Variants in KANSL3 observed in about 807,000 individuals in gnomAD.
KANSL3 encodes the protein KAT8 regulatory NSL complex subunit 3.
KANSL3 carries 16 observed loss-of-function variants against 89.2 expected under a neutral mutation model. The observed-to-expected ratio is 0.18, with a 90% CI of 0.12 to 0.27. The LOEUF (loss-of-function observed/expected upper bound fraction) is 0.27. Ranked by LOEUF, KANSL3 falls within the 10% of genes least tolerant of loss-of-function variation. The pLI is 1.00. For missense variants in KANSL3, 879 were observed against 1,110.6 expected (o/e 0.79, Z 2.96); for synonymous variants, 385 against 419.7 (o/e 0.92, Z 1.01).
At position 96,607,099 on chromosome 2, in the gene KANSL3, A is replaced by G. The variant is rs1001934838; in HGVS notation, c.1741+1409T>C. 8.0e-6 allele frequency: 9 copies of G among 1,130,552 alleles called. No homozygotes were observed. In the African/African-American group the frequency reaches 1.4e-4, roughly 18 times the overall value. The allele number at this position is 1,130,552 out of a possible 1,614,324, so 70.0% of individuals were successfully genotyped here. A position where few individuals can be genotyped will look rare whatever the true frequency, so the allele number is the denominator to read the frequency against. On this transcript the variant is annotated intron_variant, in intron 14 of 20. Transcript: ENST00000431828. Reference sequence around the variant, plus strand: ...AATCACAGCCAGCCAGAGAAGGGAGAAAAAGAGAGGGAATAAGAAAAAAGG... The same window carrying G: ...AATCACAGCCAGCCAGAGAAGGGAGGAAAAGAGAGGGAATAAGAAAAAAGG...
At chr2:96,590,762 T>A (rs189299646), downstream of KANSL3, among the ~76,000 whole-genome samples, 70 of 152,042 alleles carry the variant, frequency 4.6e-4, 1 homozygote, top group African/African-American at 1.7e-3. Flanking sequence ...GGCAGGAGGA[T>A]TGCCTGAGGT....
At chr2:96,602,003 C>T in intron 19 of KANSL3, 113 bp downstream of exon 19, 2 of 1,213,296 alleles carry the variant, frequency 1.6e-6, no homozygotes, top group Non-Finnish European at 2.3e-6. Context: ...AAGGTCAATG[C>T]CAGGACCCTG....
downstream of KANSL3, among the ~76,000 whole-genome samples, chr2:96,591,538 ATAC>A (rs2066275011): frequency 6.6e-6 from 1 of 152,250 alleles, no homozygotes; most frequent in African/African-American, 2.4e-5. Flanking sequence ...GTGTTATACT[ATAC>A]TACAATTGCA....
At chr2:96,631,601 T>TTATA in intron 2 of KANSL3, 119 bp from the exon 3 acceptor site, 2 of 1,207,630 alleles carry the variant, frequency 1.7e-6, no homozygotes. Context: ...CATAAGCACA[T>TTATA]TATATTCACA....
Position 96,593,902 on chromosome 2 carries a change from C to T in KANSL3, c.*1709G>A, listed in dbSNP as rs1332143822. ...ATACCTTCCTCAAGTTTACTAAATA[C>T]TTTCTGAATTTAAGAATTTTGAGAA... On this transcript the variant is annotated 3_prime_UTR_variant, in exon 21 of 21. Coordinates refer to ENST00000431828, the MANE Select transcript of KANSL3 (RefSeq NM_001115016.3). 1 of 152,414 alleles carries T rather than the reference C, an allele frequency of 6.6e-6. No individual in the cohort carries two copies. The highest frequency in any genetic ancestry group is 2.4e-5 in the African/African-American group (1 of 41,448). The allele number at this position is 152,414 out of a possible 1,614,324, so 9.4% of individuals were successfully genotyped here. A position where few individuals can be genotyped will look rare whatever the true frequency, so the allele number is the denominator to read the frequency against.
At chr2:96,604,959 C>T (rs1460333807) in intron 15 of KANSL3, 96 bp from the exon 16 acceptor site, 3 of 975,370 alleles carry the variant, frequency 3.1e-6, no homozygotes, top group South Asian at 1.6e-5. Context: ...ATATTACGGA[C>T]GAAAACTGGA....
chr2:96,605,188 C>T (rs1414689504), intron 15 of KANSL3, 132 bp downstream of exon 15: 4 of 784,300 alleles, frequency 5.1e-6, no homozygotes, highest in African/African-American at 3.5e-5. Context: ...CATGTACAGA[C>T]TCATGTCTTC....
chr2:96,592,702 C>G (rs761557269), downstream of KANSL3, among the ~76,000 whole-genome samples: 5 of 152,160 alleles, frequency 3.3e-5, no homozygotes, highest in Admixed American at 1.3e-4. Context: ...TGTTTCCTCA[C>G]TTATAGAAAG....
chr2:96,612,583 C>A lies in KANSL3; in HGVS notation c.913-20G>T, dbSNP rs761389831. The A allele has an allele frequency of 6.3e-7, 1 of 1,574,986 alleles. No homozygotes were observed. Among genetic ancestry groups the A allele is most frequent in the Non-Finnish European group, 8.7e-7 (1 of 1,145,936 alleles). On this transcript the variant is annotated intron_variant, in intron 7 of 20. Coordinates refer to ENST00000431828, the MANE Select transcript of KANSL3 (RefSeq NM_001115016.3). ...GATGACCTGAAGGAAAGAAGTAGCC[C>A]CCACACCAGCAGAGGTAAGTTTCAA...
At chr2:96,627,865 C>T (rs2072658428) in intron 3 of KANSL3, 1 of 1,268,506 alleles carries the variant, frequency 7.9e-7, no homozygotes, top group Admixed American at 2.3e-5. Context: ...GTATCTGAAA[C>T]TGAAACTAAT....
At chr2:96,630,134 C>T (rs1173589335) in intron 3 of KANSL3, among the ~76,000 whole-genome samples, 2 of 152,120 alleles carry the variant, frequency 1.3e-5, no homozygotes, top group African/African-American at 4.8e-5. Flanking sequence ...AGGTTAAATA[C>T]AGAGTTATCA....
intron 18 of KANSL3, among the ~76,000 whole-genome samples, chr2:96,602,539 T>C (rs2067334290): frequency 6.6e-6 from 1 of 152,254 alleles, no homozygotes; most frequent in Non-Finnish European, 1.5e-5. Flanking sequence ...CCTCATTTTA[T>C]AGACAAAGAA....
At chr2:96,608,814 T>G (rs1352436340) in intron 13 of KANSL3, 50 bp downstream of exon 13, 4 of 1,517,088 alleles carry the variant, frequency 2.6e-6, no homozygotes, top group Non-Finnish European at 1.8e-6. Flanking sequence ...AGGAACCAAC[T>G]CTGTGGTGCT....
the KANSL3 span, among the ~76,000 whole-genome samples, chr2:96,585,883 G>A: frequency 3.3e-5 from 5 of 152,142 alleles, no homozygotes; most frequent in Non-Finnish European, 5.9e-5. Flanking sequence ...AATATTGTAC[G>A]TTCTCACTTA....
chr2:96,623,273 A>AAC (rs1321064915), intron 3 of KANSL3, among the ~76,000 whole-genome samples: 2 of 152,220 alleles, frequency 1.3e-5, no homozygotes, highest in Non-Finnish European at 2.9e-5. Context: ...AGCAAAGAGG[A>AAC]ACACAGGCAC....
chr2:96,617,555 A>AT (rs1218809382), intron 5 of KANSL3, among the ~76,000 whole-genome samples: 2 of 151,302 alleles, frequency 1.3e-5, no homozygotes, highest in Non-Finnish European at 2.9e-5. Context: ...AAGTAAAACT[A>AT]TTAAAAAAAA....
At chr2:96,623,993 T>G (rs952390710) in intron 3 of KANSL3, among the ~76,000 whole-genome samples, 1 of 152,258 alleles carries the variant, frequency 6.6e-6, no homozygotes. Context: ...TGAGGTTTCT[T>G]GGAATTGTCC....
At chr2:96,624,150 G>A (rs558787303) in intron 3 of KANSL3, among the ~76,000 whole-genome samples, 1 of 152,180 alleles carries the variant, frequency 6.6e-6, no homozygotes, top group African/African-American at 2.4e-5. Flanking sequence ...GGATGCCTTG[G>A]AACTGGGAAG....
chr2:96,607,037 A>G, intron 14 of KANSL3: 1 of 1,289,364 alleles, frequency 7.8e-7, no homozygotes, highest in Non-Finnish European at 1.0e-6. Flanking sequence ...TCAGAAAAGC[A>G]GCAAACTGTG....
Sources: allele counts gnomAD v4.1 joint callset (sites outside exome capture counted in the v4.1 genomes callset), GRCh38; gene constraint gnomAD v4.1.1; transcripts MANE v1.5; gene names NCBI Gene and HGNC (gene_info 2026-07-23, HGNC 2026-07-21).